Variants in CTBP2 observed in about 807,000 individuals in gnomAD.
CTBP2 encodes C-terminal binding protein 2, also known as C-terminal-binding protein 2.
Under a neutral mutation model 80.3 loss-of-function variants are expected in CTBP2, and 30 were observed. The observed-to-expected ratio is 0.37, with a 90% CI of 0.28 to 0.51. The LOEUF (loss-of-function observed/expected upper bound fraction) is 0.51, where lower values mean the gene tolerates loss of function less well. Among genes scored for constraint, CTBP2 ranks in the 20% least tolerant of loss-of-function variants. CTBP2 has a pLI of 0.93. For synonymous variants in CTBP2, 594 were observed against 587.4 expected (o/e 1.01, Z -0.16); for missense variants, 1,212 against 1,375.3 (o/e 0.88, Z 1.88).
At chr10:125,005,619 G>A in intron 1 of CTBP2, 1 of 1,612,914 alleles carries the variant, frequency 6.2e-7, no homozygotes, top group Non-Finnish European at 8.5e-7. Context: ...TCATCCGCGA[G>A]ATCCGCAACA....
chr10:125,143,706 T>G (rs1346884288), intron 1 of CTBP2, among the ~76,000 whole-genome samples: 2 of 152,224 alleles, frequency 1.3e-5, no homozygotes, highest in African/African-American at 2.4e-5. Context: ...TGGGAATATC[T>G]CCGTTCATGC....
At chr10:125,049,678 A>G (rs1962244858) in intron 2 of CTBP2, among the ~76,000 whole-genome samples, 1 of 152,152 alleles carries the variant, frequency 6.6e-6, no homozygotes, top group Non-Finnish European at 1.5e-5. Flanking sequence ...AGGGGAGTTC[A>G]AGCTGGACGG....
intron 1 of CTBP2, among the ~76,000 whole-genome samples, chr10:125,151,151 A>G (rs927658479): frequency 2.0e-5 from 3 of 152,158 alleles, no homozygotes; most frequent in Non-Finnish European, 4.4e-5. Context: ...GAATGGCTGC[A>G]TAAGTTTCTG....
At chr10:124,995,022 C>T (rs1478540570) in intron 4 of CTBP2, among the ~76,000 whole-genome samples, 1 of 152,236 alleles carries the variant, frequency 6.6e-6, no homozygotes, top group African/African-American at 2.4e-5. Context: ...CCACCCGTGT[C>T]CTCCGTTCCC....
upstream of CTBP2, among the ~76,000 whole-genome samples, chr10:125,161,890 C>G (rs952052847): frequency 6.6e-6 from 1 of 152,146 alleles, no homozygotes; most frequent in Non-Finnish European, 1.5e-5. Flanking sequence ...CCTGACGTCT[C>G]AAGGTTGGAG....
chr10:125,043,714 G>A, intron 2 of CTBP2, among the ~76,000 whole-genome samples: 1 of 151,898 alleles, frequency 6.6e-6, no homozygotes, highest in East Asian at 1.9e-4. Context: ...GGGATTATAG[G>A]TGTAAGCAAC....
At chr10:125,151,979 C>T (rs1860008234) in intron 1 of CTBP2, among the ~76,000 whole-genome samples, 1 of 152,148 alleles carries the variant, frequency 6.6e-6, no homozygotes, top group Non-Finnish European at 1.5e-5. Context: ...CGGGAAGCGG[C>T]TCCATTTACA....
chr10:125,086,916 C>T (rs1848070295), intron 2 of CTBP2, among the ~76,000 whole-genome samples: 1 of 152,134 alleles, frequency 6.6e-6, no homozygotes, highest in Non-Finnish European at 1.5e-5. Flanking sequence ...AGCGCGGCCA[C>T]TGCACCTGCG....
At chr10:125,004,122 A>G (rs1273719820) in intron 1 of CTBP2, among the ~76,000 whole-genome samples, 1 of 152,170 alleles carries the variant, frequency 6.6e-6, no homozygotes, top group Non-Finnish European at 1.5e-5. Flanking sequence ...TGCTGCCAAC[A>G]AGGTGAAGGG....
intron 1 of CTBP2, among the ~76,000 whole-genome samples, chr10:125,004,527 C>T (rs1344762837): frequency 2.6e-5 from 4 of 152,208 alleles, no homozygotes; most frequent in African/African-American, 4.8e-5. Context: ...CTCACATCTT[C>T]AAGACCCACA....
chr10:125,054,426 C>T (rs1231587220), intron 2 of CTBP2, among the ~76,000 whole-genome samples: 3 of 152,256 alleles, frequency 2.0e-5, no homozygotes, highest in Non-Finnish European at 4.4e-5. Flanking sequence ...GAAACCAAGG[C>T]CCTCAGTCCC....
chr10:124,985,920 C>T lies in CTBP2; in HGVS notation c.*3598G>A, dbSNP rs1465883832. ...TTCCTTCTATCACCTCTGCTCTAAG[C>T]AAATCTTGTTAGAAGGGCATGCCTT... On this transcript the variant is annotated 3_prime_UTR_variant, in exon 9 of 9. Transcript: ENST00000309035. 1 of 152,156 alleles carries T rather than the reference C, an allele frequency of 6.6e-6. No homozygotes were observed. Among genetic ancestry groups the T allele is most frequent in the Non-Finnish European group, 1.5e-5 (1 of 68,040 alleles). 9.4% of individuals were successfully genotyped at this position (152,156 alleles called of 1,614,324 possible). A position where few individuals can be genotyped will look rare whatever the true frequency, so the allele number is the denominator to read the frequency against.
intron 1 of CTBP2, among the ~76,000 whole-genome samples, chr10:125,015,141 C>A (rs1223870583): frequency 2.0e-5 from 3 of 152,164 alleles, no homozygotes; most frequent in Non-Finnish European, 2.9e-5. Context: ...AATGGGGAAA[C>A]CTGCGTGGTC....
At chr10:125,081,374 A>T (rs974042817) in intron 2 of CTBP2, among the ~76,000 whole-genome samples, 3 of 152,218 alleles carry the variant, frequency 2.0e-5, no homozygotes, top group African/African-American at 7.2e-5. Context: ...ATTAGATATG[A>T]TTATCAATGT....
At chr10:125,160,701 C>T (rs1416515499), upstream of CTBP2, 7 of 80,946 alleles carry the variant, frequency 8.6e-5, no homozygotes, top group African/African-American at 3.7e-4. Flanking sequence ...CCCCACCCAC[C>T]CCACCCCCTT....
At chr10:125,006,661 C>G (rs561912013) in intron 1 of CTBP2, among the ~76,000 whole-genome samples, 1 of 152,358 alleles carries the variant, frequency 6.6e-6, no homozygotes, top group East Asian at 1.9e-4. Context: ...ATTCCTGACG[C>G]CTCTTTCAGG....
At chr10:125,024,403 TC>T (rs1240896544) in intron 1 of CTBP2, among the ~76,000 whole-genome samples, 4 of 152,130 alleles carry the variant, frequency 2.6e-5, no homozygotes, top group Non-Finnish European at 5.9e-5. Context: ...AAAATCAATA[TC>T]CTCCGGTCTG....
chr10:125,142,471 T>G (rs1052579202), intron 1 of CTBP2, among the ~76,000 whole-genome samples: 2 of 152,136 alleles, frequency 1.3e-5, no homozygotes, highest in Non-Finnish European at 2.9e-5. Context: ...GGCTGGAGGC[T>G]GGGAGTCAGG....
chr10:125,089,080 CATCT>C (rs1848408274), intron 2 of CTBP2, among the ~76,000 whole-genome samples: 5 of 152,332 alleles, frequency 3.3e-5, no homozygotes, highest in African/African-American at 1.2e-4. Context: ...GTAAGAATAA[CATCT>C]CTCACAAGTA....
Sources: allele counts gnomAD v4.1 joint callset (sites outside exome capture counted in the v4.1 genomes callset), GRCh38; gene constraint gnomAD v4.1.1; transcripts MANE v1.5; gene names NCBI Gene and HGNC (gene_info 2026-07-23, HGNC 2026-07-21).